The following ATRX variants were observed in gnomAD, a reference collection of about 807,000 sequenced individuals.
ATRX encodes ATRX chromatin remodeler, also known as chromatin remodeler ATRX.
Under a neutral mutation model 172.6 loss-of-function variants are expected in ATRX, and 12 were observed. The ratio of observed to expected loss-of-function variants is 0.07; its 90% CI spans 0.04 to 0.11. ATRX has a LOEUF of 0.11. Among genes scored for constraint, ATRX ranks in the 10% least tolerant of loss-of-function variants. The pLI, the probability that ATRX is intolerant of heterozygous loss-of-function variation, is 1.00. For missense variants in ATRX, 1,368 were observed against 1,767.4 expected, an observed-to-expected ratio of 0.77 and a Z score of 4.05; for synonymous variants, 674 against 594.7, an observed-to-expected ratio of 1.13 and a Z score of -1.94.
At chrX:77,617,540 A>G (rs2067404043) in intron 21 of ATRX, among the ~76,000 whole-genome samples, 1 of 111,386 alleles carries the variant, frequency 9.0e-6, no homozygotes, top group African/African-American at 3.3e-5. Flanking sequence ...GTGTTTGCAT[A>G]TAACATATAA....
In ATRX at chrX:77,684,900, G is replaced by T. The variant is rs782118796; in HGVS notation, c.662+39C>A. On this transcript the variant is annotated intron_variant, in intron 8 of 34. Transcript: ENST00000373344. ...GATTATGTAACAATTCCTCCCAAAA[G>T]TAGGAAACACTGAATGTTAGCTCAT... 6 of 1,106,101 alleles carry T rather than the reference G, an allele frequency of 5.4e-6. No homozygotes were observed. The Admixed American group carries it at 1.3e-4, about 24-fold the overall frequency. 91.2% of individuals were successfully genotyped at this position (1,106,101 alleles called of 1,213,427 possible). A position where few individuals can be genotyped will look rare whatever the true frequency, so the allele number is the denominator to read the frequency against.
rs2148626354 is a variant in ATRX, at chrX:77,683,969, G to C, written c.1287C>G (p.Thr429=). The change falls in exon 9 of 35, where the codon ACC becomes ACG. Residue 429 remains threonine (T), a synonymous_variant. Coordinates refer to ENST00000373344, the MANE Select transcript of ATRX (RefSeq NM_000489.6). ...TAGCATCTATGACTTTATGCTCTTT[G>C]GTATTTTTCTCTTTGTTTACAGCAT... ...AMDAVNKEKN[T]KEHKVIDAKF... is the part of the protein sequence containing the mutation. 1 of 1,209,860 alleles carries C rather than the reference G, an allele frequency of 8.3e-7. No homozygotes were observed. Among genetic ancestry groups the C allele is most frequent in the Non-Finnish European group, 1.1e-6 (1 of 894,235 alleles).
intron 30 of ATRX, among the ~76,000 whole-genome samples, chrX:77,534,546 G>A (rs930234593): frequency 9.0e-6 from 1 of 111,450 alleles, no homozygotes; most frequent in Admixed American, 9.6e-5. Flanking sequence ...AAACAATAGT[G>A]GAGCAGAATC....
At chrX:77,532,051 A>C (rs1443137531) in intron 30 of ATRX, among the ~76,000 whole-genome samples, 3 of 111,453 alleles carry the variant, frequency 2.7e-5, no homozygotes, top group African/African-American at 9.8e-5. Context: ...GAGAGAATAA[A>C]ATACCTAGGA....
chrX:77,779,520 T>C (rs1365653748), intron 1 of ATRX, among the ~76,000 whole-genome samples: 2 of 111,465 alleles, frequency 1.8e-5, no homozygotes, highest in African/African-American at 6.5e-5. Context: ...TGCAAAACTT[T>C]CCTAGACATC....
chrX:77,676,660 G>GT (rs1304729440), intron 9 of ATRX, among the ~76,000 whole-genome samples: 2 of 112,155 alleles, frequency 1.8e-5, no homozygotes, highest in Admixed American at 9.4e-5. Context: ...AACTGGTGCT[G>GT]TATCTTCGAG....
At chrX:77,759,688 T>A (rs2075645378) in intron 1 of ATRX, among the ~76,000 whole-genome samples, 1 of 110,611 alleles carries the variant, frequency 9.0e-6, no homozygotes, top group Admixed American at 9.7e-5. Context: ...CACTCCAGCC[T>A]GGGCGACCCA....
chrX:77,769,767 A>G (rs1386427868), intron 1 of ATRX, among the ~76,000 whole-genome samples: 1 of 111,796 alleles, frequency 8.9e-6, no homozygotes, highest in Non-Finnish European at 1.9e-5. Flanking sequence ...ATTGTTTTAT[A>G]CCATCCAATT....
intron 27 of ATRX, among the ~76,000 whole-genome samples, chrX:77,588,858 G>C (rs1389831466): frequency 9.0e-6 from 1 of 111,520 alleles, no homozygotes; most frequent in Non-Finnish European, 1.9e-5. Context: ...TAGTCAACAA[G>C]TACATTAAAA....
intron 1 of ATRX, among the ~76,000 whole-genome samples, chrX:77,772,980 T>C (rs1276733934): frequency 1.9e-5 from 2 of 102,981 alleles, no homozygotes; most frequent in African/African-American, 7.1e-5. Context: ...CCCAAGTATT[T>C]AGGACTACAG....
chrX:77,564,120 A>T (rs1420529146), intron 28 of ATRX, among the ~76,000 whole-genome samples: 2 of 111,798 alleles, frequency 1.8e-5, no homozygotes, highest in Non-Finnish European at 3.8e-5. Flanking sequence ...ATACCCTTTC[A>T]GGAGCACCCT....
At chrX:77,754,535 T>G (rs2148889019) in intron 1 of ATRX, among the ~76,000 whole-genome samples, 1 of 111,995 alleles carries the variant, frequency 8.9e-6, no homozygotes, top group Non-Finnish European at 1.9e-5. Flanking sequence ...GCAGGTCTAG[T>G]GGTGACAAAA....
chrX:77,747,595 T>G (rs1380288809), intron 1 of ATRX, among the ~76,000 whole-genome samples: 17 of 111,780 alleles, frequency 1.5e-4, no homozygotes, highest in African/African-American at 5.5e-4. Context: ...TTTACTCATT[T>G]TATAATATTT....
At chrX:77,641,208 G>GA (rs1218909054) in intron 15 of ATRX, among the ~76,000 whole-genome samples, 1 of 111,483 alleles carries the variant, frequency 9.0e-6, no homozygotes, top group Non-Finnish European at 1.9e-5. Context: ...GGGGAAAAAA[G>GA]AGTCAACAAA....
intron 22 of ATRX, chrX:77,600,903 T>C (rs890184995): frequency 4.7e-5 from 9 of 190,147 alleles, no homozygotes; most frequent in Admixed American, 2.9e-4. Context: ...AGGAACAACA[T>C]GTAAAAATAT....
chrX:77,572,500 ATTCAC>A lies in ATRX; in HGVS notation c.6326+1745_6326+1749del, dbSNP rs782636359. Among the ~76,000 whole-genome samples the A allele has an allele frequency of 9.0e-5, 10 of 111,416 alleles. No homozygotes were observed. In the East Asian group the frequency reaches 2.8e-3, roughly 31 times the overall value. On this transcript the variant is annotated intron_variant, in intron 28 of 34. Coordinates refer to ENST00000373344, the MANE Select transcript of ATRX (RefSeq NM_000489.6). ...GCTTTTTGGCATATGTTTAGGGGTA[ATTCAC>A]TAGTGAGTAAGCCAAGCTGACAGCT...
Position 77,507,233 on chromosome X carries a change from G to A in ATRX, c.*1118C>T, listed in dbSNP as rs1294439163. ...AATTTAAAAAAATGTAAGGAAACTG[G>A]GGTAAAAGAACATGATGATGAGAGA... On this transcript the variant is annotated 3_prime_UTR_variant, in exon 35 of 35. Coordinates refer to ENST00000373344, the MANE Select transcript of ATRX (RefSeq NM_000489.6). 1 of 171,086 alleles carries A rather than the reference G, an allele frequency of 5.8e-6. No individual in the cohort carries two copies. The highest frequency in any genetic ancestry group is 3.0e-5 in the African/African-American group (1 of 33,502). The allele number at this position is 171,086 out of a possible 1,213,427, so 14.1% of individuals were successfully genotyped here.
intron 30 of ATRX, among the ~76,000 whole-genome samples, chrX:77,543,750 G>A (rs1210851167): frequency 9.1e-6 from 1 of 109,792 alleles, no homozygotes; most frequent in African/African-American, 3.3e-5. Flanking sequence ...TAAGCGGGAG[G>A]TGAACAATGA....
At chrX:77,743,107 G>T (rs77152003) in intron 1 of ATRX, among the ~76,000 whole-genome samples, 2,658 of 110,875 alleles carry the variant, frequency 0.024, 165 homozygotes, top group East Asian at 0.21. Flanking sequence ...CCACCCCCAG[G>T]ATTTGAGCAC....
Sources: allele counts gnomAD v4.1 joint callset (sites outside exome capture counted in the v4.1 genomes callset), GRCh38; gene constraint gnomAD v4.1.1; transcripts MANE v1.5; gene names NCBI Gene and HGNC (gene_info 2026-07-23, HGNC 2026-07-21).